The following GOLGA4 variants were observed in gnomAD, a reference collection of about 807,000 sequenced individuals.
GOLGA4 encodes the protein golgin A4, also known as golgin subfamily A member 4.
In GOLGA4, 169 loss-of-function variants were observed where a neutral mutation model predicts 265.9. The ratio of observed to expected loss-of-function variants is 0.64; its 90% CI spans 0.56 to 0.72. GOLGA4 has a LOEUF of 0.72. Among genes scored for constraint, GOLGA4 ranks in the 30% least tolerant of loss-of-function variants. GOLGA4 has a pLI of 0.00. For synonymous variants in GOLGA4, 923 were observed against 855.8 expected (o/e 1.08, Z -1.37); for missense variants, 2,482 against 2,483.4 (o/e 1.00, Z 0.01).
Position 37,352,945 on chromosome 3 carries a change from T to A in GOLGA4, c.6577-2156T>A, listed in dbSNP as rs144933975. Reference sequence around the variant, plus strand: ...AACTTAATTGTTTCTATCTTTTGATTCAGAGTGAGAGGCATGCGAGTCTTC... The same window carrying A: ...AACTTAATTGTTTCTATCTTTTGATACAGAGTGAGAGGCATGCGAGTCTTC... On this transcript the variant is annotated intron_variant, in intron 21 of 23. Coordinates refer to ENST00000361924, the MANE Select transcript of GOLGA4 (RefSeq NM_002078.5). Among the ~76,000 whole-genome samples the A allele has an allele frequency of 9.5e-3, 1,453 of 152,234 alleles. 36 individuals carry two copies. Among genetic ancestry groups the A allele is most frequent in the African/African-American group, 0.033 (1,366 of 41,558 alleles).
intron 2 of GOLGA4, among the ~76,000 whole-genome samples, chr3:37,277,898 CTTT>C (rs1434741282): frequency 6.6e-6 from 1 of 152,034 alleles, no homozygotes; most frequent in African/African-American, 2.4e-5. Flanking sequence ...CCTTTGCTCC[CTTT>C]TTCCAATTTC....
intron 22 of GOLGA4, among the ~76,000 whole-genome samples, chr3:37,360,995 C>T (rs925042288): frequency 2.0e-5 from 3 of 152,088 alleles, no homozygotes; most frequent in African/African-American, 4.8e-5. Flanking sequence ...CCTTTCATTA[C>T]GTTGTTTAAG....
intron 10 of GOLGA4, among the ~76,000 whole-genome samples, chr3:37,312,184 G>GGCTGATGACACCTAA: frequency 6.6e-6 from 1 of 152,148 alleles, no homozygotes; most frequent in East Asian, 1.9e-4. Context: ...AATGAAAAGG[G>GGCTGATGACACCTAA]GCTGATGACA....
intron 11 of GOLGA4, among the ~76,000 whole-genome samples, chr3:37,316,270 A>G (rs983866105): frequency 1.6e-5 from 2 of 126,610 alleles, no homozygotes; most frequent in Non-Finnish European, 3.4e-5. Flanking sequence ...ATTTTATCCT[A>G]TTTCTTTACT....
Position 37,324,739 on chromosome 3 carries a change from C to T in GOLGA4, c.2853C>T (p.Asn951=). ...AGGAATATGAAACCAAATTTAAAAA[C>T]CAAGAAAAAAAGATGGAAAAAGTTA... The part of the protein sequence containing the change: ...LNEEYETKFK[N]QEKKMEKVKQ... The change falls in exon 14 of 24, where the codon AAC becomes AAT. Residue 951 remains asparagine, a synonymous_variant. Transcript: ENST00000361924. The T allele has an allele frequency of 1.3e-6, 2 of 1,580,234 alleles. No homozygotes were observed. Among genetic ancestry groups the T allele is most frequent in the Non-Finnish European group, 1.7e-6 (2 of 1,169,844 alleles).
intron 2 of GOLGA4, among the ~76,000 whole-genome samples, chr3:37,271,596 C>T (rs960314757): frequency 9.2e-5 from 14 of 152,144 alleles, no homozygotes; most frequent in Non-Finnish European, 1.9e-4. Flanking sequence ...TAGCCTACCC[C>T]TACACTTCCC....
rs142068254 is a variant in GOLGA4 at position 37,310,293 on chromosome 3, A to T, written c.1235-5127A>T. ...ATTCTGGCATTTCTTATTATAATTG[A>T]TTAGGATACTCAGGATGAGGAGTAT... is the stretch of plus-strand genomic sequence containing the variant. On this transcript the variant is annotated intron_variant, in intron 10 of 23. Transcript: ENST00000361924. Among the ~76,000 whole-genome samples, 478 of 152,278 alleles carry T rather than the reference A, an allele frequency of 3.1e-3. 5 individuals carry two copies. The highest frequency in any genetic ancestry group is 4.6e-3 in the East Asian group (24 of 5,176).
In GOLGA4 at chr3:37,253,695, A is replaced by G. The variant is rs546026979; in HGVS notation, c.162+2211A>G. On this transcript the variant is annotated intron_variant, in intron 2 of 23. Coordinates refer to ENST00000361924, the MANE Select transcript of GOLGA4 (RefSeq NM_002078.5). ...ATATTCAATTAAATTATTTTAAAGC[A>G]TCCTAGATTTTTAAAAAGTATTTTA... Among the ~76,000 whole-genome samples the G allele has an allele frequency of 9.9e-5, 15 of 152,242 alleles. No individual in the cohort carries two copies. The South Asian group carries it at 2.9e-3, about 29-fold the overall frequency.
intron 21 of GOLGA4, among the ~76,000 whole-genome samples, chr3:37,349,259 A>C (rs1228018204): frequency 1.3e-5 from 2 of 152,168 alleles, no homozygotes; most frequent in Non-Finnish European, 2.9e-5. Context: ...TTCACTGTGC[A>C]GTAAGGAAGG....
At chr3:37,361,848 C>T (rs892025472) in intron 23 of GOLGA4, among the ~76,000 whole-genome samples, 6 of 152,182 alleles carry the variant, frequency 3.9e-5, no homozygotes, top group African/African-American at 1.4e-4. Flanking sequence ...CTGAGGAGAC[C>T]GTTAGGCAGC....
chr3:37,258,305 T>G (rs114598214), intron 2 of GOLGA4, among the ~76,000 whole-genome samples: 310 of 150,430 alleles, frequency 2.1e-3, no homozygotes, highest in African/African-American at 3.8e-3. Flanking sequence ...CATATATATA[T>G]ATAGAGAGCA....
intron 19 of GOLGA4, among the ~76,000 whole-genome samples, chr3:37,339,248 G>A (rs187866192): frequency 6.6e-6 from 1 of 152,180 alleles, no homozygotes; most frequent in African/African-American, 2.4e-5. Flanking sequence ...TCTTGTTATG[G>A]CTGAATAATA....
At chr3:37,337,777 G>A (rs757473452) in intron 19 of GOLGA4, 43 bp downstream of exon 19, 32 of 1,238,536 alleles carry the variant, frequency 2.6e-5, no homozygotes, top group Non-Finnish European at 3.3e-5. Flanking sequence ...CTAAAGTTTC[G>A]TTAATATGTA....
intron 20 of GOLGA4, among the ~76,000 whole-genome samples, chr3:37,343,133 G>C (rs1029531351): frequency 2.6e-5 from 4 of 151,476 alleles, no homozygotes; most frequent in African/African-American, 9.7e-5. Flanking sequence ...TTGTTTGTTT[G>C]TTTTCAAGAC....
rs200520226 is a variant in GOLGA4 at position 37,296,190 on chromosome 3, A to T, written c.785A>T (p.Glu262Val). ...CAGGCTGAAGTCTTCACTAAAGAAG[A>T]GAATCCAGAAAGTGATGGAGAGCCA... ...EPQAEVFTKEENPESDGEPVV... is the reference protein window; with the variant it reads ...EPQAEVFTKEVNPESDGEPVV... Residue 262 changes from glutamate (E) to valine (V), a missense_variant, in exon 7 of 24, where the codon GAG becomes GTG. By Grantham distance (121) the Glu-to-Val change is moderately radical. This residue lies in a region of GOLGA4 where 1,536 missense variants were observed against 1,483.7 expected (regional missense o/e 1.04). Coordinates refer to ENST00000361924, the MANE Select transcript of GOLGA4 (RefSeq NM_002078.5). 2.1e-4 allele frequency: 347 copies of T among 1,614,182 alleles called. 1 individual carries two copies. Among genetic ancestry groups the T allele is most frequent in the Middle Eastern group, 8.2e-4 (5 of 6,062 alleles).
At chr3:37,288,138 G>A (rs1262119152) in intron 4 of GOLGA4, among the ~76,000 whole-genome samples, 1 of 47,872 alleles carries the variant, frequency 2.1e-5, no homozygotes, top group Non-Finnish European at 3.8e-5. Flanking sequence ...GTCTTGCTTT[G>A]TTGCCTAAGC....
chr3:37,306,485 A>G (rs763883997), intron 10 of GOLGA4, among the ~76,000 whole-genome samples: 2 of 148,080 alleles, frequency 1.4e-5, no homozygotes, highest in Admixed American at 6.8e-5. Context: ...AGTTCACACT[A>G]GTTCTTGGCT....
Position 37,302,223 on chromosome 3 carries a change from A to T in GOLGA4, c.1125A>T (p.Glu375Asp). The T allele has an allele frequency of 6.2e-7, 1 of 1,613,476 alleles. No homozygotes were observed. Among genetic ancestry groups the T allele is most frequent in the Non-Finnish European group, 8.5e-7 (1 of 1,179,420 alleles). Residue 375 changes from glutamate to aspartate, a missense_variant, in exon 10 of 24, where the codon GAA becomes GAT. Physicochemically the swap from Glu to Asp is conservative, Grantham distance 45 (BLOSUM62 2). Coordinates refer to ENST00000361924, the MANE Select transcript of GOLGA4 (RefSeq NM_002078.5). Reference sequence around the variant, plus strand: ...CAGAGACAAAACGTCAGATGCATGAAACCCTGGAAATGAAAGAAGAAGAAA... The same window carrying T: ...CAGAGACAAAACGTCAGATGCATGATACCCTGGAAATGAAAGAAGAAGAAA... The part of the protein sequence containing the change: ...VIAETKRQMH[E>D]TLEMKEEEIA...
At chr3:37,257,840 T>A (rs1276856571) in intron 2 of GOLGA4, among the ~76,000 whole-genome samples, 2 of 147,984 alleles carry the variant, frequency 1.4e-5, no homozygotes, top group Non-Finnish European at 3.0e-5. Flanking sequence ...CACAAACAAC[T>A]TTCATATTGT....
Sources: allele counts gnomAD v4.1 joint callset (sites outside exome capture counted in the v4.1 genomes callset), GRCh38; gene constraint gnomAD v4.1.1; regional missense constraint gnomAD v4.1.1; transcripts MANE v1.5; gene names NCBI Gene and HGNC (gene_info 2026-07-23, HGNC 2026-07-21).